The following PIK3CG variants were observed in gnomAD, a reference collection of about 807,000 sequenced individuals.
PIK3CG encodes phosphatidylinositol 4,5-bisphosphate 3-kinase catalytic subunit gamma isoform.
PIK3CG carries 55 observed loss-of-function variants against 102.3 expected under a neutral mutation model. The ratio of observed to expected loss-of-function variants is 0.54; its 90% confidence interval spans 0.43 to 0.67. The LOEUF (loss-of-function observed/expected upper bound fraction) is 0.67, where lower values mean the gene tolerates loss of function less well. Among genes scored for constraint, PIK3CG ranks in the 30% least tolerant of loss-of-function variants. PIK3CG has a pLI of 0.00. For missense variants in PIK3CG, 1,258 were observed against 1,391.8 expected (o/e 0.90, Z 1.53); for synonymous variants, 552 against 540.0 (o/e 1.02, Z -0.31).
chr7:106,867,805 A>G lies in PIK3CG; in HGVS notation c.244A>G (p.Ser82Gly), dbSNP rs761383890. 7.4e-6 allele frequency: 12 copies of G among 1,612,590 alleles called. No homozygotes were observed. The South Asian group carries it at 1.2e-4, about 16-fold the overall frequency. The change falls in exon 2 of 11, where the codon AGC becomes GGC. Residue 82 changes from serine to glycine, a missense_variant. This residue lies in a region of PIK3CG where 832 missense variants were observed against 787.5 expected (regional missense o/e 1.06). Coordinates refer to ENST00000496166, the MANE Select transcript of PIK3CG (RefSeq NM_001282426.2). The surrounding 1 kb of genome is among the most constrained non-coding windows in gnomAD (Gnocchi z 5.1). ...AQVWLRALET[S>G]VAADFYHRLG... ...GGTGTGGCTGCGAGCGCTGGAGACC[A>G]GCGTGGCGGCGGACTTCTACCACCG...
rs1202996122 is a variant in PIK3CG at position 106,877,240 on chromosome 7, C to T, written c.2392-2279C>T. Among the ~76,000 whole-genome samples, 1 of 152,136 alleles carries T rather than the reference C, an allele frequency of 6.6e-6. No individual in the cohort carries two copies. Among genetic ancestry groups the T allele is most frequent in the Non-Finnish European group, 1.5e-5 (1 of 68,026 alleles). On this transcript the variant is annotated intron_variant, in intron 5 of 10. Coordinates refer to ENST00000496166, the MANE Select transcript of PIK3CG (RefSeq NM_001282426.2). This position sits in a 1 kb window ranked among gnomAD's most constrained non-coding sequence, Gnocchi z 4.5. Reference sequence around the variant, plus strand: ...AATCTATCTAATCCAGTGCCTCAGCCTGGGGTAATCCCTCTGTCTGCCAAG... The same window carrying T: ...AATCTATCTAATCCAGTGCCTCAGCTTGGGGTAATCCCTCTGTCTGCCAAG...
chr7:106,890,394 G>A lies in PIK3CG; in HGVS notation c.3030+4102G>A, dbSNP rs1427864560. Among the ~76,000 whole-genome samples, 1 of 152,102 alleles carries A rather than the reference G, an allele frequency of 6.6e-6. No homozygotes were observed. The highest frequency in any genetic ancestry group is 1.5e-5 in the Non-Finnish European group (1 of 68,036). On this transcript the variant is annotated intron_variant, in intron 10 of 10. Transcript: ENST00000496166. The surrounding 1 kb of genome is among the most constrained non-coding windows in gnomAD (Gnocchi z 4.2). ...GACGGGGTTTCACCGTGTTAACCAGGATGGTCTCAATCTCCTGACCTCGTG... is the reference window on the plus strand; with the variant it reads ...GACGGGGTTTCACCGTGTTAACCAGAATGGTCTCAATCTCCTGACCTCGTG...
Position 106,868,734 on chromosome 7 carries a change from A to G in PIK3CG, c.1173A>G (p.Gln391=), listed in dbSNP as rs769365031. ...VFVEANIQHG[Q]QVLCQRRTSP... ...TAGAGGCAAACATCCAGCATGGGCAACAAGTCCTTTGCCAAAGGAGAACCA... is the reference window on the plus strand; with the variant it reads ...TAGAGGCAAACATCCAGCATGGGCAGCAAGTCCTTTGCCAAAGGAGAACCA... The change falls in exon 2 of 11, where the codon CAA becomes CAG. Residue 391 remains glutamine, a synonymous_variant. Transcript: ENST00000496166. The surrounding 1 kb of genome is among the most constrained non-coding windows in gnomAD (Gnocchi z 6.2). 2 of 1,614,242 alleles carry G rather than the reference A, an allele frequency of 1.2e-6. No individual in the cohort carries two copies. Among genetic ancestry groups the G allele is most frequent in the South Asian group, 1.1e-5 (1 of 91,090 alleles).
intron 10 of PIK3CG, among the ~76,000 whole-genome samples, chr7:106,900,867 G>C (rs1791531174): frequency 1.3e-5 from 2 of 152,156 alleles, no homozygotes; most frequent in Admixed American, 1.3e-4. Context: ...TTTTCTTTAA[G>C]AATGTTGAAT....
At chr7:106,887,272 A>G (rs990440415) in intron 10 of PIK3CG, among the ~76,000 whole-genome samples, 7 of 152,240 alleles carry the variant, frequency 4.6e-5, no homozygotes, top group Non-Finnish European at 1.0e-4. Context: ...ATACAAACAC[A>G]AAACAAAGAC....
intron 5 of PIK3CG, among the ~76,000 whole-genome samples, chr7:106,876,423 G>A (rs1029153570): frequency 4.1e-5 from 6 of 146,062 alleles, no homozygotes; most frequent in Non-Finnish European, 6.0e-5. Context: ...ACAGAGTCTC[G>A]CTCTGTCGCC....
At chr7:106,876,257 G>C (rs544203502) in intron 5 of PIK3CG, among the ~76,000 whole-genome samples, 1 of 152,196 alleles carries the variant, frequency 6.6e-6, no homozygotes, top group South Asian at 2.1e-4. Flanking sequence ...TGAGTATGAA[G>C]TGGTATCTCA....
Position 106,872,450 on chromosome 7 carries a change from C to A in PIK3CG, c.1996-87C>A, listed in dbSNP as rs569590300. 5 of 1,017,088 alleles carry A rather than the reference C, an allele frequency of 4.9e-6. No individual in the cohort carries two copies. In the South Asian group the frequency reaches 6.7e-5, roughly 14 times the overall value. The allele number at this position is 1,017,088 out of a possible 1,614,324, so 63.0% of individuals were successfully genotyped here. On this transcript the variant is annotated intron_variant, in intron 2 of 10. Transcript: ENST00000496166. This position sits in a 1 kb window ranked among gnomAD's most constrained non-coding sequence, Gnocchi z 5.3. Reference sequence around the variant, plus strand: ...TTCTAGCCGTGAAGACCCAGTAAAGCAGAGCACCAGTTCTTCTCCATTTCC... The same window carrying A: ...TTCTAGCCGTGAAGACCCAGTAAAGAAGAGCACCAGTTCTTCTCCATTTCC...
chr7:106,872,604 T>C lies in PIK3CG; in HGVS notation c.2061+2T>C. 6.2e-7 allele frequency: 1 copy of C among 1,612,834 alleles called. No homozygotes were observed. Among genetic ancestry groups the C allele is most frequent in the South Asian group, 1.1e-5 (1 of 91,062 alleles). On this transcript the variant is annotated splice_donor_variant, in intron 3 of 10. Coordinates refer to ENST00000496166, the MANE Select transcript of PIK3CG (RefSeq NM_001282426.2). LOFTEE classifies it high-confidence loss of function. The surrounding 1 kb of genome is among the most constrained non-coding windows in gnomAD (Gnocchi z 5.3). The stretch of plus-strand genomic sequence containing the variant: ...TTTCTGCTGAAGCGTGGTTTAAGAG[T>C]AAGTACTTCCATTTTGATAATAGCG...
In PIK3CG at chr7:106,905,365, A is replaced by C; in HGVS notation, c.3287A>C (p.Gln1096Pro). Residue 1096 changes from glutamine (Q) to proline (P), a missense_variant, in exon 11 of 11, where the codon CAA becomes CCA. This residue lies in a region of PIK3CG where 426 missense variants were observed against 604.2 expected (regional missense o/e 0.71). Coordinates refer to ENST00000496166, the MANE Select transcript of PIK3CG (RefSeq NM_001282426.2). The surrounding 1 kb of genome is among the most constrained non-coding windows in gnomAD (Gnocchi z 5.6). ...WFLHLVLGIK[Q>P]GEKHSA is the part of the protein sequence containing the mutation. The stretch of plus-strand genomic sequence containing the variant: ...CTACATCTTGTTCTTGGCATCAAAC[A>C]AGGAGAGAAACATTCAGCCTAATAC... The C allele has an allele frequency of 6.2e-7, 1 of 1,613,936 alleles. No individual in the cohort carries two copies. Among genetic ancestry groups the C allele is most frequent in the Non-Finnish European group, 8.5e-7 (1 of 1,179,858 alleles).
At position 106,907,914 on chromosome 7, in the gene PIK3CG, TTATAGA is replaced by T. The variant is rs1682913269; in HGVS notation, c.*2530_*2535del. On this transcript the variant is annotated 3_prime_UTR_variant, in exon 11 of 11. Transcript: ENST00000496166. ...AGAGCATAATTTCAGTTCTATAGAC[TTATAGA>T]TAAATAAAAATCATCTTTGTGGGCT... 6.6e-6 allele frequency among the ~76,000 whole-genome samples: 1 copy of T among 151,504 alleles called. No homozygotes were observed. The highest frequency in any genetic ancestry group is 2.4e-5 in the African/African-American group (1 of 41,228).
At chr7:106,875,303 T>G (rs963558134) in intron 5 of PIK3CG, among the ~76,000 whole-genome samples, 1 of 147,322 alleles carries the variant, frequency 6.8e-6, no homozygotes, top group African/African-American at 2.5e-5. Flanking sequence ...GAGGTTGCAG[T>G]GAGCCAAGAT....
At position 106,872,564 on chromosome 7, in the gene PIK3CG, A is replaced by G. The variant is rs1334992143; in HGVS notation, c.2023A>G (p.Ser675Gly). Reference protein sequence around the residue: ...QAVKFEPYHDSALARFLLKRG... With the variant: ...QAVKFEPYHDGALARFLLKRG... ...TGTGAAATTTGAACCATACCATGAT[A>G]GCGCCCTTGCCAGATTTCTGCTGAA... is the stretch of plus-strand genomic sequence containing the variant. Residue 675 changes from serine to glycine, a missense_variant, in exon 3 of 11, where the codon AGC (serine) becomes GGC (glycine). Ser to Gly is a moderately conservative substitution (Grantham distance 56, BLOSUM62 0). Coordinates refer to ENST00000496166, the MANE Select transcript of PIK3CG (RefSeq NM_001282426.2). The surrounding 1 kb of genome is among the most constrained non-coding windows in gnomAD (Gnocchi z 5.3). 6.2e-6 allele frequency: 10 copies of G among 1,613,846 alleles called. No homozygotes were observed. The highest frequency in any genetic ancestry group is 8.5e-6 in the Non-Finnish European group (10 of 1,179,692).
At position 106,869,739 on chromosome 7, in the gene PIK3CG, G is replaced by A. The variant is rs1362101723; in HGVS notation, c.1995+183G>A. On this transcript the variant is annotated intron_variant, in intron 2 of 10. Coordinates refer to ENST00000496166, the MANE Select transcript of PIK3CG (RefSeq NM_001282426.2). This position sits in a 1 kb window ranked among gnomAD's most constrained non-coding sequence, Gnocchi z 5.3. ...GTTCCATGTACATTTTTACTGTCTCGGAGGGTTTGCTGACAAGGGTTTTGC... is the reference window on the plus strand; with the variant it reads ...GTTCCATGTACATTTTTACTGTCTCAGAGGGTTTGCTGACAAGGGTTTTGC... Among the ~76,000 whole-genome samples the A allele has an allele frequency of 1.3e-5, 2 of 152,082 alleles. No homozygotes were observed. Among genetic ancestry groups the A allele is most frequent in the African/African-American group, 2.4e-5 (1 of 41,418 alleles).
Position 106,879,596 on chromosome 7 carries a change from A to G in PIK3CG, c.2469A>G (p.Leu823=). The G allele has an allele frequency of 5.6e-6, 9 of 1,613,020 alleles. No homozygotes were observed. Among genetic ancestry groups the G allele is most frequent in the Non-Finnish European group, 7.6e-6 (9 of 1,178,940 alleles). The change falls in exon 6 of 11, where the codon CTA becomes CTG. Residue 823 remains leucine, a synonymous_variant. Coordinates refer to ENST00000496166, the MANE Select transcript of PIK3CG (RefSeq NM_001282426.2). The surrounding 1 kb of genome is among the most constrained non-coding windows in gnomAD (Gnocchi z 4.9). ...TTAAATGTGCCGATCCTACAGCCCT[A>G]TCAAATGAAACAATTGGAATTATCT... is the stretch of plus-strand genomic sequence containing the variant. The part of the protein sequence containing the change: ...LEFKCADPTA[L]SNETIGIIFK...
intron 10 of PIK3CG, among the ~76,000 whole-genome samples, chr7:106,898,159 T>C (rs1791456326): frequency 6.6e-6 from 1 of 152,256 alleles, no homozygotes; most frequent in Non-Finnish European, 1.5e-5. Flanking sequence ...TTCATATGCT[T>C]ATTGGCTGCA....
chr7:106,875,711 A>T (rs1790704278), intron 5 of PIK3CG, among the ~76,000 whole-genome samples: 4 of 152,212 alleles, frequency 2.6e-5, no homozygotes, highest in Admixed American at 2.6e-4. Context: ...TTGTATGGAT[A>T]TACCACAGTT....
rs1377896076 is a variant in PIK3CG, at chr7:106,877,056, G to A, written c.2391+2253G>A. 6.6e-6 allele frequency among the ~76,000 whole-genome samples: 1 copy of A among 152,056 alleles called. No individual in the cohort carries two copies. Among genetic ancestry groups the A allele is most frequent in the East Asian group, 1.9e-4 (1 of 5,174 alleles). ...CTACAAAAAATAAAAAAAAATAGCC[G>A]GGCATGGTGGCACGTGCCATAGTCC... On this transcript the variant is annotated intron_variant, in intron 5 of 10. Transcript: ENST00000496166. The surrounding 1 kb of genome is among the most constrained non-coding windows in gnomAD (Gnocchi z 4.5).
At chr7:106,882,410 T>TG (rs1342683020) in intron 7 of PIK3CG, 1 of 349,298 alleles carries the variant, frequency 2.9e-6, no homozygotes, top group Non-Finnish European at 5.1e-6. Flanking sequence ...CAAATCCCTG[T>TG]GACTATACAT....
Sources: allele counts gnomAD v4.1 joint callset (sites outside exome capture counted in the v4.1 genomes callset), GRCh38; gene constraint gnomAD v4.1.1; regional missense constraint gnomAD v4.1.1; non-coding constraint Gnocchi (gnomAD v3.1); transcripts MANE v1.5; gene names NCBI Gene and HGNC (gene_info 2026-07-23, HGNC 2026-07-21).